Variants in AKT3 observed in about 807,000 individuals in gnomAD.
The protein encoded by AKT3 is AKT serine/threonine kinase 3, also known as RAC-gamma serine/threonine-protein kinase.
AKT3 carries 15 observed loss-of-function variants against 65.3 expected under a neutral mutation model. That is an observed-to-expected ratio of 0.23 (90% CI 0.15 to 0.35). AKT3 has a LOEUF of 0.35. AKT3 is among the 10% of genes least tolerant of loss of function. AKT3 has a pLI of 1.00. For synonymous variants in AKT3, 206 were observed against 183.8 expected, an observed-to-expected ratio of 1.12 and a Z score of -0.98; for missense variants, 243 against 576.5, an observed-to-expected ratio of 0.42 and a Z score of 5.92.
At chr1:243,757,590 C>T (rs1467634549) in intron 2 of AKT3, among the ~76,000 whole-genome samples, 1 of 151,912 alleles carries the variant, frequency 6.6e-6, no homozygotes, top group Non-Finnish European at 1.5e-5. Flanking sequence ...TGCACTCCAG[C>T]CCAGGCAGCA....
chr1:243,773,149 C>A (rs973757204), intron 2 of AKT3, among the ~76,000 whole-genome samples: 19 of 150,664 alleles, frequency 1.3e-4, no homozygotes, highest in Non-Finnish European at 2.8e-4. Flanking sequence ...AACAAACCTG[C>A]ACGTTGTGCA....
chr1:243,531,092 C>T (rs909663253), intron 12 of AKT3, among the ~76,000 whole-genome samples: 2 of 151,878 alleles, frequency 1.3e-5, no homozygotes, highest in Admixed American at 1.3e-4. Flanking sequence ...TCTATCCATC[C>T]CTCTCTCTAT....
chr1:243,603,389 G>A (rs2148580000), intron 8 of AKT3, among the ~76,000 whole-genome samples: 1 of 152,258 alleles, frequency 6.6e-6, no homozygotes, highest in South Asian at 2.1e-4. Context: ...ATACTCTGTT[G>A]TACCTAATCT....
chr1:243,650,445 C>T (rs1211166509), intron 4 of AKT3, among the ~76,000 whole-genome samples: 1 of 152,104 alleles, frequency 6.6e-6, no homozygotes, highest in African/African-American at 2.4e-5. Context: ...CTTTTGTTGC[C>T]ATTGCTTTTG....
At chr1:243,541,016 T>A (rs1672279833) in intron 12 of AKT3, among the ~76,000 whole-genome samples, 1 of 152,190 alleles carries the variant, frequency 6.6e-6, no homozygotes, top group Non-Finnish European at 1.5e-5. Flanking sequence ...TAAAACTGTG[T>A]TTTCCAGATC....
chr1:243,719,866 A>G (rs1017632403), intron 2 of AKT3, among the ~76,000 whole-genome samples: 1 of 152,228 alleles, frequency 6.6e-6, no homozygotes, highest in Non-Finnish European at 1.5e-5. Context: ...TGCAAAAAAC[A>G]GTCTAGATTG....
chr1:243,756,918 T>C (rs1014736075), intron 2 of AKT3, among the ~76,000 whole-genome samples: 5 of 152,222 alleles, frequency 3.3e-5, no homozygotes, highest in African/African-American at 1.2e-4. Context: ...AAAACATCAC[T>C]TTTGTGACAT....
intron 8 of AKT3, among the ~76,000 whole-genome samples, chr1:243,579,530 T>C (rs1026805386): frequency 6.6e-6 from 1 of 152,168 alleles, no homozygotes; most frequent in African/African-American, 2.4e-5. Flanking sequence ...CTGTTACTTT[T>C]CAAAGGTAAG....
intron 13 of AKT3, chr1:243,488,912 C>T: frequency 1.3e-6 from 2 of 1,570,220 alleles, no homozygotes; most frequent in Admixed American, 3.4e-5. Flanking sequence ...GCGTCCTGCT[C>T]ATGGTTCCCT....
At position 243,683,665 on chromosome 1, in the gene AKT3, G is replaced by A. The variant is rs182709282; in HGVS notation, c.172+11926C>T. Among the ~76,000 whole-genome samples the A allele has an allele frequency of 3.5e-3, 538 of 152,234 alleles. 5 individuals are homozygous for A. Among genetic ancestry groups the A allele is most frequent in the Non-Finnish European group, 5.1e-3 (350 of 68,012 alleles). On this transcript the variant is annotated intron_variant, in intron 3 of 13. Transcript: ENST00000673466. Reference sequence around the variant, plus strand: ...AAAGTTGAGTGAGACAGAAAGGGGGGAAGGCAGATACAGAGGAAAGGAAAG... The same window carrying A: ...AAAGTTGAGTGAGACAGAAAGGGGGAAAGGCAGATACAGAGGAAAGGAAAG...
rs111654531 is a variant in AKT3, at chr1:243,663,450, C to T, written c.284+1322G>A. On this transcript the variant is annotated intron_variant, in intron 4 of 13. Transcript: ENST00000673466. ...TCAATGGTGGGGAGGGGAGGGTGTG[C>T]GGGGAGGGAGGCAGTGCAGGGAGGG... Among the ~76,000 whole-genome samples, 113 of 68,722 alleles carry T rather than the reference C, an allele frequency of 1.6e-3. 2 individuals carry two copies. The highest frequency in any genetic ancestry group is 5.6e-3 in the African/African-American group (100 of 17,748). 45.1% of individuals were successfully genotyped at this position (68,722 alleles called of 152,430 possible).
rs917813953 is a variant in AKT3 at position 243,500,851 on chromosome 1, T to C, written c.*4398A>G. On this transcript the variant is annotated 3_prime_UTR_variant, in exon 14 of 14. Transcript: ENST00000673466. ...AGGTTCAAGCCTGAAACAGTAGAAC[T>C]TCTATTCAGATTCAGAAGTTTTTTA... 5 of 228,936 alleles carry C rather than the reference T, an allele frequency of 2.2e-5. No homozygotes were observed. In the Admixed American group the frequency reaches 2.3e-4, roughly 10 times the overall value. 14.2% of individuals were successfully genotyped at this position (228,936 alleles called of 1,614,324 possible). A position where few individuals can be genotyped will look rare whatever the true frequency, so the allele number is the denominator to read the frequency against.
intron 6 of AKT3, among the ~76,000 whole-genome samples, chr1:243,627,864 G>A (rs193170928): frequency 2.6e-5 from 4 of 152,276 alleles, no homozygotes; most frequent in East Asian, 3.9e-4. Context: ...AATCCAATCC[G>A]TAAAACTACC....
Position 243,575,725 on chromosome 1 carries a change from G to A in AKT3, c.697-2677C>T, listed in dbSNP as rs140984652. On this transcript the variant is annotated intron_variant, in intron 8 of 13. Transcript: ENST00000673466. The stretch of plus-strand genomic sequence containing the variant: ...GCTTTACCTAAGTTTTGAAGAATAG[G>A]TTTTTCATAATGGAAAATTTAAGGG... Among the ~76,000 whole-genome samples, 731 of 152,178 alleles carry A rather than the reference G, an allele frequency of 4.8e-3. 6 individuals are homozygous for A. The highest frequency in any genetic ancestry group is 0.017 in the African/African-American group (689 of 41,526).
intron 2 of AKT3, among the ~76,000 whole-genome samples, chr1:243,754,288 A>G (rs1257283862): frequency 6.6e-6 from 1 of 152,198 alleles, no homozygotes; most frequent in African/African-American, 2.4e-5. Flanking sequence ...TGTACTTTCC[A>G]TAATTAGCAT....
chr1:243,630,974 C>CTTTTTT (rs34788254), intron 6 of AKT3, among the ~76,000 whole-genome samples: 1 of 147,690 alleles, frequency 6.8e-6, no homozygotes, highest in Non-Finnish European at 1.5e-5. Context: ...CAAATAGCCT[C>CTTTTTT]TTTTTTTTTT....
intron 2 of AKT3, among the ~76,000 whole-genome samples, chr1:243,718,074 CA>C (rs1686624620): frequency 6.6e-6 from 1 of 152,154 alleles, no homozygotes; most frequent in South Asian, 2.1e-4. Flanking sequence ...GGATGCTATG[CA>C]TAAGAAAACA....
chr1:243,551,164 T>G (rs1487532753), intron 11 of AKT3, among the ~76,000 whole-genome samples: 1 of 152,052 alleles, frequency 6.6e-6, no homozygotes, highest in South Asian at 2.1e-4. Flanking sequence ...CTTCTACTCT[T>G]GGTCTGCATG....
intron 12 of AKT3, among the ~76,000 whole-genome samples, chr1:243,526,779 TAAAA>T (rs1180642142): frequency 1.1e-3 from 17 of 15,184 alleles, no homozygotes; most frequent in African/African-American, 3.8e-3. Context: ...AAAAAATGGT[TAAAA>T]AAAAAAAAAA....
Sources: allele counts gnomAD v4.1 joint callset (sites outside exome capture counted in the v4.1 genomes callset), GRCh38; gene constraint gnomAD v4.1.1; transcripts MANE v1.5; gene names NCBI Gene and HGNC (gene_info 2026-07-23, HGNC 2026-07-21).